Variants in MYO3B observed in about 807,000 individuals in gnomAD.
The protein encoded by MYO3B is myosin IIIB.
In MYO3B, 156 loss-of-function variants were observed where a neutral mutation model predicts 174.6. That is an observed-to-expected ratio of 0.89 (90% CI 0.78 to 1.02). The LOEUF (loss-of-function observed/expected upper bound fraction) is 1.02, where lower values mean the gene tolerates loss of function less well. Ranked by LOEUF, MYO3B falls within the 50% of genes least tolerant of loss-of-function variation. The probability of loss-of-function intolerance (pLI) is 0.00; values close to 1 mark genes in which losing one functional copy is unlikely to be tolerated. For missense variants in MYO3B, 1,632 were observed against 1,639.4 expected (o/e 1.00, Z 0.08); for synonymous variants, 563 against 569.1 (o/e 0.99, Z 0.15).
chr2:170,376,733 G>A (rs2094296459), intron 9 of MYO3B, among the ~76,000 whole-genome samples: 1 of 152,112 alleles, frequency 6.6e-6, no homozygotes, highest in African/African-American at 2.4e-5. Context: ...CTTATCCTGG[G>A]TGTGGAGGAG....
Position 170,246,859 on chromosome 2 carries a change from C to T in MYO3B, c.749+10723C>T, listed in dbSNP as rs191762575. 2.0e-3 allele frequency among the ~76,000 whole-genome samples: 307 copies of T among 151,984 alleles called. 2 individuals are homozygous for T. The highest frequency in any genetic ancestry group is 7.0e-3 in the African/African-American group (292 of 41,444). On this transcript the variant is annotated intron_variant, in intron 7 of 34. Transcript: ENST00000408978. ...GGGCATGGTTAGGGATGGGACAATG[C>T]GGGGAGGGAGGGAGGTATTCTTCCT...
chr2:170,450,723 T>G (rs1056820213), intron 23 of MYO3B, among the ~76,000 whole-genome samples: 11 of 152,236 alleles, frequency 7.2e-5, no homozygotes, highest in Non-Finnish European at 1.0e-4. Context: ...TTTTATAAAT[T>G]TATGCAGTTT....
At chr2:170,609,640 G>C (rs1695018140) in intron 32 of MYO3B, among the ~76,000 whole-genome samples, 1 of 152,182 alleles carries the variant, frequency 6.6e-6, no homozygotes, top group South Asian at 2.1e-4. Context: ...ATGTCATTAG[G>C]CTGCTGTTTC....
At chr2:170,292,845 T>G (rs978798108) in intron 7 of MYO3B, among the ~76,000 whole-genome samples, 16 of 152,208 alleles carry the variant, frequency 1.1e-4, no homozygotes, top group Non-Finnish European at 4.4e-5. Flanking sequence ...GGAATGAGTA[T>G]GGTAGTCCTG....
intron 32 of MYO3B, among the ~76,000 whole-genome samples, chr2:170,650,862 T>G (rs1698956381): frequency 6.6e-6 from 1 of 151,716 alleles, no homozygotes; most frequent in South Asian, 2.1e-4. Flanking sequence ...TTTTGTATTT[T>G]TAGTAGAGAC....
chr2:170,590,436 C>T (rs1693750432), intron 32 of MYO3B, among the ~76,000 whole-genome samples: 1 of 152,014 alleles, frequency 6.6e-6, no homozygotes, highest in Non-Finnish European at 1.5e-5. Context: ...TATCCCCACC[C>T]CACCCTCACA....
At chr2:170,280,939 G>T (rs2093504046) in intron 7 of MYO3B, among the ~76,000 whole-genome samples, 2 of 152,060 alleles carry the variant, frequency 1.3e-5, no homozygotes, top group Non-Finnish European at 2.9e-5. Flanking sequence ...TTTTTGCTTA[G>T]GAGTGCCTTG....
chr2:170,543,319 C>T (rs1010435518), intron 31 of MYO3B, among the ~76,000 whole-genome samples: 1 of 152,030 alleles, frequency 6.6e-6, no homozygotes, highest in Admixed American at 6.6e-5. Flanking sequence ...ATATCCTGCT[C>T]GAATTCAATA....
intron 22 of MYO3B, among the ~76,000 whole-genome samples, chr2:170,441,084 G>A (rs2094797746): frequency 6.6e-6 from 1 of 152,182 alleles, no homozygotes; most frequent in Non-Finnish European, 1.5e-5. Context: ...ACAGGCGTGA[G>A]CCACCTCGTC....
At chr2:170,335,564 G>A (rs745758377) in intron 8 of MYO3B, 114 bp downstream of exon 8, 48 of 774,482 alleles carry the variant, frequency 6.2e-5, no homozygotes, top group African/African-American at 8.8e-5. Context: ...CTGTTAGCAC[G>A]TTATGACTCG....
rs1698701809 is a variant in MYO3B, at chr2:170,649,131, A to T, written c.3734-2497A>T. On this transcript the variant is annotated intron_variant, in intron 32 of 34. Transcript: ENST00000408978. ...TATAAAATAATATATAATGTATATA[A>T]AATAATATATAATATATTATATATA... Among the ~76,000 whole-genome samples, 13 of 76,284 alleles carry T rather than the reference A, an allele frequency of 1.7e-4. 2 individuals carry two copies. The highest frequency in any genetic ancestry group is 2.6e-4 in the Non-Finnish European group (12 of 45,848). 50.0% of individuals were successfully genotyped at this position (76,284 alleles called of 152,430 possible).
At position 170,500,872 on chromosome 2, in the gene MYO3B, TC is replaced by T. The variant is rs368725607; in HGVS notation, c.3290-912del. Among the ~76,000 whole-genome samples the T allele has an allele frequency of 8.9e-4, 134 of 151,248 alleles. 2 individuals are homozygous for T. In the South Asian group the frequency reaches 0.025, roughly 29 times the overall value. On this transcript the variant is annotated intron_variant, in intron 27 of 34. Transcript: ENST00000408978. ...AATCTCTTTCATGTGCCCTGCCTAG[TC>T]AGTGCCTCTTTGTTTACGTATATGT... is the stretch of plus-strand genomic sequence containing the variant.
At chr2:170,651,980 CAA>C (rs10718459) in intron 33 of MYO3B, 126 bp from the exon 34 acceptor site, 17 of 1,040,770 alleles carry the variant, frequency 1.6e-5, no homozygotes, top group South Asian at 3.0e-5. Flanking sequence ...GCCCTTTGAT[CAA>C]AAAAAATTAT....
chr2:170,431,535 T>C (rs1176670620), intron 22 of MYO3B, among the ~76,000 whole-genome samples: 3 of 152,214 alleles, frequency 2.0e-5, no homozygotes, highest in African/African-American at 7.2e-5. Context: ...GTTTATATTC[T>C]AAAGAAAAAA....
At chr2:170,197,950 A>T (rs2092618405) in intron 1 of MYO3B, among the ~76,000 whole-genome samples, 1 of 152,122 alleles carries the variant, frequency 6.6e-6, no homozygotes, top group Admixed American at 6.6e-5. Flanking sequence ...ACATGGGCGA[A>T]TCAGCCACAC....
At chr2:170,284,385 C>G (rs1234676684) in intron 7 of MYO3B, among the ~76,000 whole-genome samples, 1 of 152,068 alleles carries the variant, frequency 6.6e-6, no homozygotes, top group Admixed American at 6.6e-5. Flanking sequence ...GCAGCAGTCT[C>G]TCATGGTTCA....
chr2:170,507,784 A>G (rs1687707664), intron 28 of MYO3B, among the ~76,000 whole-genome samples: 1 of 152,112 alleles, frequency 6.6e-6, no homozygotes, highest in Non-Finnish European at 1.5e-5. Flanking sequence ...AGGAAAACAT[A>G]CCTTGTCTGT....
At chr2:170,240,777 A>T (rs1349804282) in intron 7 of MYO3B, among the ~76,000 whole-genome samples, 1 of 152,174 alleles carries the variant, frequency 6.6e-6, no homozygotes, top group East Asian at 1.9e-4. Context: ...CAAGAAACGG[A>T]AGAACAGAAA....
intron 28 of MYO3B, among the ~76,000 whole-genome samples, chr2:170,503,302 A>T (rs1687399217): frequency 6.6e-6 from 1 of 152,218 alleles, no homozygotes; most frequent in South Asian, 2.1e-4. Flanking sequence ...ATGCCAAGTG[A>T]ATACTGCTGT....
Sources: gnomAD v4.1 joint callset for allele counts (sites outside exome capture counted in the v4.1 genomes callset) on GRCh38, gnomAD v4.1.1 for gene constraint, MANE v1.5 for transcripts, NCBI Gene and HGNC (gene_info 2026-07-23, HGNC 2026-07-21) for gene names.